CELF2: variants seen among roughly 807,000 people sequenced by gnomAD.
CELF2 encodes the protein CUG triplet repeat RNA-binding protein 2.
Under a neutral mutation model 62.6 loss-of-function variants are expected in CELF2, and 8 were observed. The ratio of observed to expected loss-of-function variants is 0.13; its 90% CI spans 0.07 to 0.23. CELF2 has a LOEUF of 0.23. Ranked by LOEUF, CELF2 falls within the 10% of genes least tolerant of loss-of-function variation. CELF2 has a pLI of 1.00. For missense variants in CELF2, 333 were observed against 671.0 expected (o/e 0.50, Z 5.56); for synonymous variants, 258 against 250.0 (o/e 1.03, Z -0.30).
Position 10,913,575 on chromosome 10 carries a change from G to C in CELF2, c.54-6389G>C, listed in dbSNP as rs547169696. Among the ~76,000 whole-genome samples, 88 of 133,348 alleles carry C rather than the reference G, an allele frequency of 6.6e-4. 2 individuals carry two copies. The highest frequency in any genetic ancestry group is 2.8e-3 in the African/African-American group (80 of 28,156). 87.5% of individuals were successfully genotyped at this position (133,348 alleles called of 152,430 possible). A position where few individuals can be genotyped will look rare whatever the true frequency, so the allele number is the denominator to read the frequency against. On this transcript the variant is annotated intron_variant, in intron 1 of 13. Coordinates refer to the CELF2 transcript ENST00000636488. ...CCAGCTAATTTTTGTATTTTTAGTAGAGATGGGGTTTCACCATGTTGCCCA... is the reference window on the plus strand; with the variant it reads ...CCAGCTAATTTTTGTATTTTTAGTACAGATGGGGTTTCACCATGTTGCCCA...
the CELF2 span, among the ~76,000 whole-genome samples, chr10:10,763,297 C>T: frequency 6.6e-6 from 1 of 152,196 alleles, no homozygotes; most frequent in Non-Finnish European, 1.5e-5. Flanking sequence ...TTTTTCACCT[C>T]CCACTCACTG....
At chr10:10,872,225 A>T (rs1344357304) in intron 1 of CELF2, among the ~76,000 whole-genome samples, 2 of 152,156 alleles carry the variant, frequency 1.3e-5, no homozygotes, top group Admixed American at 6.5e-5. Flanking sequence ...GGTTGCTATG[A>T]TTGTATCCCT....
rs1363745348 is a variant in CELF2, at chr10:11,217,539, T to G, written c.354+32T>G. 2 of 1,485,810 alleles carry G rather than the reference T, an allele frequency of 1.3e-6. No individual in the cohort carries two copies. The highest frequency in any genetic ancestry group is 1.4e-5 in the African/African-American group (1 of 71,660). The allele number at this position is 1,485,810 out of a possible 1,614,324, so 92.0% of individuals were successfully genotyped here. On this transcript the variant is annotated intron_variant, in intron 3 of 12. Transcript: ENST00000633077. This position sits in a 1 kb window ranked among gnomAD's most constrained non-coding sequence, Gnocchi z 5.6. ...CGGTTTACTTTTGTACCAGAATCAC[T>G]TTATTGCTTGAAAATGGTCCTTTCA... is the stretch of plus-strand genomic sequence containing the variant.
intron 1 of CELF2, among the ~76,000 whole-genome samples, chr10:10,825,222 G>A (rs1285030787): frequency 2.0e-5 from 3 of 151,748 alleles, no homozygotes; most frequent in African/African-American, 7.3e-5. Flanking sequence ...TTTGTGTTTT[G>A]TTTTTGAGAC....
At chr10:10,497,806 C>G in the CELF2 span, among the ~76,000 whole-genome samples, 2 of 152,152 alleles carry the variant, frequency 1.3e-5, no homozygotes, top group African/African-American at 2.4e-5. Flanking sequence ...TAAGGGCTGG[C>G]TTTTACTTCA....
chr10:10,538,834 G>A, the CELF2 span, among the ~76,000 whole-genome samples: 2 of 152,284 alleles, frequency 1.3e-5, no homozygotes, highest in East Asian at 1.9e-4. Context: ...AAGGAACCAC[G>A]TTTTTCTCTT....
chr10:11,123,152 C>T (rs897942617), intron 1 of CELF2, among the ~76,000 whole-genome samples: 1 of 152,118 alleles, frequency 6.6e-6, no homozygotes, highest in Non-Finnish European at 1.5e-5. Flanking sequence ...GGAGGAGGCA[C>T]TTTTTACAGC....
At chr10:10,658,421 C>A in the CELF2 span, among the ~76,000 whole-genome samples, 1 of 152,120 alleles carries the variant, frequency 6.6e-6, no homozygotes, top group African/African-American at 2.4e-5. Context: ...TTTATGGGTA[C>A]TATCATCCAT....
chr10:10,650,666 A>G, the CELF2 span, among the ~76,000 whole-genome samples: 2 of 152,254 alleles, frequency 1.3e-5, no homozygotes, highest in Non-Finnish European at 2.9e-5. Context: ...CATGAAAAAG[A>G]CAGAAAATAA....
chr10:11,087,737 C>T (rs938023862), intron 1 of CELF2, among the ~76,000 whole-genome samples: 60 of 152,138 alleles, frequency 3.9e-4, no homozygotes, highest in African/African-American at 1.3e-3. Flanking sequence ...CCCCACCCTG[C>T]GTTGCTGGAT....
chr10:10,775,389 G>C, the CELF2 span, among the ~76,000 whole-genome samples: 3 of 152,228 alleles, frequency 2.0e-5, no homozygotes, highest in East Asian at 5.8e-4. Flanking sequence ...CCAGCAGTTT[G>C]GGAGGCCAAG....
In CELF2 at chr10:11,237,786, C is replaced by T. The variant is rs1047839439; in HGVS notation, c.355-11367C>T. The stretch of plus-strand genomic sequence containing the variant: ...GAGGGAGCACTGAGGCCCCAGGCAG[C>T]GTCACGGCCAGAGACAAATGTCACA... On this transcript the variant is annotated intron_variant, in intron 3 of 12. Coordinates refer to ENST00000633077, the MANE Select transcript of CELF2 (RefSeq NM_001326342.2). The surrounding 1 kb of genome is among the most constrained non-coding windows in gnomAD (Gnocchi z 4.0). 2.6e-5 allele frequency among the ~76,000 whole-genome samples: 4 copies of T among 152,202 alleles called. No homozygotes were observed. Among genetic ancestry groups the T allele is most frequent in the Admixed American group, 2.0e-4 (3 of 15,286 alleles).
chr10:10,737,029 G>A, the CELF2 span, among the ~76,000 whole-genome samples: 1 of 151,244 alleles, frequency 6.6e-6, no homozygotes, highest in East Asian at 1.9e-4. Flanking sequence ...AATCTCAGCA[G>A]ACCCTATGAC....
At chr10:10,604,622 A>G in the CELF2 span, among the ~76,000 whole-genome samples, 31 of 152,212 alleles carry the variant, frequency 2.0e-4, no homozygotes, top group African/African-American at 6.3e-4. Flanking sequence ...ATTCCCATAG[A>G]TTTTGCTAGA....
intron 2 of CELF2, among the ~76,000 whole-genome samples, chr10:11,185,990 T>C (rs972130049): frequency 1.1e-4 from 16 of 152,250 alleles, no homozygotes; most frequent in African/African-American, 3.4e-4. Flanking sequence ...AGAAGGTTTT[T>C]AACTACAAAT....
At position 11,328,866 on chromosome 10, in the gene CELF2, C is replaced by T. The variant is rs2132776220; in HGVS notation, c.1439-60C>T. On this transcript the variant is annotated intron_variant, in intron 12 of 12. Transcript: ENST00000633077. The surrounding 1 kb of genome is among the most constrained non-coding windows in gnomAD (Gnocchi z 6.4). Reference sequence around the variant, plus strand: ...CAGCCTTCCCCAGAGCTCCAGCCCCCTTTTCTGTTTTCTGCTGGGCTTCCT... The same window carrying T: ...CAGCCTTCCCCAGAGCTCCAGCCCCTTTTTCTGTTTTCTGCTGGGCTTCCT... 6.4e-7 allele frequency: 1 copy of T among 1,563,958 alleles called. No individual in the cohort carries two copies. The highest frequency in any genetic ancestry group is 1.2e-5 in the South Asian group (1 of 85,612).
At chr10:10,569,389 T>C in the CELF2 span, among the ~76,000 whole-genome samples, 2 of 152,170 alleles carry the variant, frequency 1.3e-5, no homozygotes, top group African/African-American at 4.8e-5. Context: ...TGAGACTTAC[T>C]CACTACCACG....
At chr10:10,631,280 C>T in the CELF2 span, among the ~76,000 whole-genome samples, 1 of 152,142 alleles carries the variant, frequency 6.6e-6, no homozygotes, top group Non-Finnish European at 1.5e-5. Context: ...AAAGAAAACG[C>T]TAGTTCAAAA....
chr10:11,146,689 A>G (rs891753235), intron 1 of CELF2, among the ~76,000 whole-genome samples: 1 of 152,202 alleles, frequency 6.6e-6, no homozygotes, highest in Admixed American at 6.5e-5. Context: ...AAATAATGGA[A>G]TCTTTCTCAT....
Sources: gnomAD v4.1 joint callset for allele counts (sites outside exome capture counted in the v4.1 genomes callset) on GRCh38, gnomAD v4.1.1 for gene constraint, Gnocchi (gnomAD v3.1) non-coding constraint, MANE v1.5 for transcripts, NCBI Gene and HGNC (gene_info 2026-07-23, HGNC 2026-07-21) for gene names.